GARNL3: variants seen among roughly 807,000 people sequenced by gnomAD.
The protein encoded by GARNL3 is GTPase activating Rap/RanGAP domain like 3.
In GARNL3, 63 loss-of-function variants were observed where a neutral mutation model predicts 125.0. The ratio of observed to expected loss-of-function variants is 0.50; its 90% confidence interval spans 0.41 to 0.62. The LOEUF is 0.62. Ranked by LOEUF, GARNL3 falls within the 20% of genes least tolerant of loss-of-function variation. The pLI is 0.00. For missense variants in GARNL3, 994 were observed against 1,244.0 expected, an observed-to-expected ratio of 0.80 and a Z score of 3.02; for synonymous variants, 439 against 457.5, an observed-to-expected ratio of 0.96 and a Z score of 0.52.
At chr9:127,391,533 A>AAAAAAAAAAAAAAAAAAAAAATATATAT in intron 27 of GARNL3, among the ~76,000 whole-genome samples, 57 of 75,764 alleles carry the variant, frequency 7.5e-4, no homozygotes, top group South Asian at 2.1e-3. Context: ...ACAAAAAAAA[A>AAAAAAAAAAAAAAAAAAAAAATATATAT]ATATATATAT....
At position 127,336,236 on chromosome 9, in the gene GARNL3, C is replaced by T. The variant is rs1005954527; in HGVS notation, c.982C>T (p.His328Tyr). The change falls in exon 11 of 28, where the codon CAT becomes TAT. Residue 328 changes from histidine (H) to tyrosine (Y), a missense_variant and splice_region_variant. Transcript: ENST00000373387. ...KPSMIRSHFTHIFALVRYNQQ... is the reference protein window; with the variant it reads ...KPSMIRSHFTYIFALVRYNQQ... ...TTCCATGATCCGCTCCCACTTTACA[C>T]GTATCCTGGGCCTTTGTAAATGCTC... 1.1e-5 allele frequency: 17 copies of T among 1,604,084 alleles called. No individual in the cohort carries two copies. The highest frequency in any genetic ancestry group is 1.4e-5 in the Non-Finnish European group (16 of 1,171,254).
At chr9:127,305,374 C>G (rs980247826) in intron 2 of GARNL3, among the ~76,000 whole-genome samples, 5 of 152,018 alleles carry the variant, frequency 3.3e-5, no homozygotes, top group African/African-American at 1.2e-4. Flanking sequence ...GTTGCCTAGT[C>G]TCCATTGCTT....
At chr9:127,325,305 A>G (rs1396877494) in intron 7 of GARNL3, among the ~76,000 whole-genome samples, 1 of 152,194 alleles carries the variant, frequency 6.6e-6, no homozygotes, top group Non-Finnish European at 1.5e-5. Flanking sequence ...AGCTATGAAA[A>G]CAATCAAACT....
chr9:127,259,523 A>C (rs2063547655), upstream of GARNL3, among the ~76,000 whole-genome samples: 1 of 152,164 alleles, frequency 6.6e-6, no homozygotes, highest in African/African-American at 2.4e-5. Flanking sequence ...AGGTGAGGTC[A>C]AACTGCTAGG....
chr9:127,336,720 C>T (rs577935315), intron 11 of GARNL3, among the ~76,000 whole-genome samples: 79 of 152,314 alleles, frequency 5.2e-4, no homozygotes, highest in African/African-American at 1.8e-3. Context: ...CCCCTAATCC[C>T]TGTTCAGCTC....
chr9:127,326,482 C>T (rs760791263), intron 7 of GARNL3, among the ~76,000 whole-genome samples: 1 of 152,100 alleles, frequency 6.6e-6, no homozygotes, highest in Non-Finnish European at 1.5e-5. Context: ...AGGATAAATG[C>T]TTGAGAGGAT....
chr9:127,334,239 T>G (rs1380117685), intron 9 of GARNL3, among the ~76,000 whole-genome samples: 2 of 152,150 alleles, frequency 1.3e-5, no homozygotes, highest in Non-Finnish European at 2.9e-5. Flanking sequence ...TCTTTCACCA[T>G]CTCATTTTTG....
Position 127,392,967 on chromosome 9 carries a change from T to C in GARNL3, c.2871-116T>C. ...CTTCCCCACCTCTACCACATAACAG[T>C]GAGGGTTTGGTGAGCCAAACTCATG... On this transcript the variant is annotated intron_variant, in intron 27 of 27. Transcript: ENST00000373387. The surrounding 1 kb of genome is among the most constrained non-coding windows in gnomAD (Gnocchi z 5.2). The C allele has an allele frequency of 2.5e-6, 2 of 796,010 alleles. No individual in the cohort carries two copies. The allele number at this position is 796,010 out of a possible 1,614,324, so 49.3% of individuals were successfully genotyped here.
At chr9:127,353,729 G>C in intron 17 of GARNL3, 117 bp from the exon 18 acceptor site, 2 of 764,396 alleles carry the variant, frequency 2.6e-6, no homozygotes, top group Non-Finnish European at 4.8e-6. Flanking sequence ...CCTAGAAGCT[G>C]ACTTCCTTCC....
chr9:127,276,949 A>G (rs1341576155), intron 1 of GARNL3, among the ~76,000 whole-genome samples: 7 of 152,246 alleles, frequency 4.6e-5, no homozygotes, highest in African/African-American at 1.2e-4. Flanking sequence ...ACTGAGATTC[A>G]GAGAGGTAAA....
chr9:127,354,732 GAAGTT>G (rs1315538386), intron 19 of GARNL3, among the ~76,000 whole-genome samples: 4 of 152,208 alleles, frequency 2.6e-5, no homozygotes, highest in Admixed American at 1.3e-4. Flanking sequence ...TCGTAGGTAT[GAAGTT>G]AAGTCCACAA....
chr9:127,243,633 A>G (rs2063241701), intron 2 of GARNL3, among the ~76,000 whole-genome samples: 1 of 152,252 alleles, frequency 6.6e-6, no homozygotes. Flanking sequence ...TCTCTGTGCC[A>G]GCAACCTACT....
chr9:127,334,008 G>C (rs549065539), intron 9 of GARNL3, among the ~76,000 whole-genome samples: 17 of 152,126 alleles, frequency 1.1e-4, no homozygotes, highest in Non-Finnish European at 2.2e-4. Flanking sequence ...TAGGTCAGAA[G>C]GGAGACAGGG....
upstream of GARNL3, among the ~76,000 whole-genome samples, chr9:127,259,127 G>T (rs151138053): frequency 1.8e-4 from 27 of 152,322 alleles, 1 homozygote; most frequent in East Asian, 5.2e-3. Flanking sequence ...CCCCTTGGGG[G>T]CTGGCTGACT....
chr9:127,339,513 A>G, intron 12 of GARNL3, 132 bp from the exon 13 acceptor site: 1 of 659,216 alleles, frequency 1.5e-6, no homozygotes, highest in South Asian at 1.8e-5. Flanking sequence ...CCCATGATTC[A>G]GTTACCTCTC....
intron 1 of GARNL3, among the ~76,000 whole-genome samples, chr9:127,276,605 A>G (rs1178030416): frequency 6.6e-6 from 1 of 152,190 alleles, no homozygotes; most frequent in East Asian, 1.9e-4. Flanking sequence ...CTCTCCTGGG[A>G]TGACCCATAG....
In GARNL3 at chr9:127,266,598, G is replaced by A. The variant is rs1889081; in HGVS notation, c.144+1577G>A. ...ATTGTATGATCTTGGACTTCCTTTAGCATCAGTTTTCTCATCTATAAAATG... is the reference window on the plus strand; with the variant it reads ...ATTGTATGATCTTGGACTTCCTTTAACATCAGTTTTCTCATCTATAAAATG... On this transcript the variant is annotated intron_variant, in intron 1 of 27. Transcript: ENST00000373387. This position sits in a 1 kb window ranked among gnomAD's most constrained non-coding sequence, Gnocchi z 4.0. Among the ~76,000 whole-genome samples, 1,593 of 152,216 alleles carry A rather than the reference G, an allele frequency of 0.01. 15 individuals carry two copies. Among genetic ancestry groups the A allele is most frequent in the Non-Finnish European group, 0.016 (1,098 of 68,008 alleles).
chr9:127,341,198 A>G (rs1036185069), intron 13 of GARNL3, among the ~76,000 whole-genome samples: 2 of 152,206 alleles, frequency 1.3e-5, no homozygotes, highest in Non-Finnish European at 2.9e-5. Context: ...ACTGCAAACC[A>G]TGTGCAACAG....
At chr9:127,257,735 G>A (rs929208869) in intron 2 of GARNL3, among the ~76,000 whole-genome samples, 1 of 152,188 alleles carries the variant, frequency 6.6e-6, no homozygotes, top group African/African-American at 2.4e-5. Flanking sequence ...GCAGTTGTTG[G>A]GGGGTGCAGG....
Sources: allele counts gnomAD v4.1 joint callset (sites outside exome capture counted in the v4.1 genomes callset), GRCh38; gene constraint gnomAD v4.1.1; non-coding constraint Gnocchi (gnomAD v3.1); transcripts MANE v1.5; gene names NCBI Gene and HGNC (gene_info 2026-07-23, HGNC 2026-07-21).